EP300: variants seen among roughly 807,000 people sequenced by gnomAD.
EP300 encodes histone acetyltransferase p300.
Under a neutral mutation model 264.0 loss-of-function variants are expected in EP300, and 31 were observed. The ratio of observed to expected loss-of-function variants is 0.12; its 90% CI spans 0.09 to 0.16. EP300 has a LOEUF of 0.16. EP300 is among the 10% of genes least tolerant of loss of function. EP300 has a pLI of 1.00. For missense variants in EP300, 2,766 were observed against 3,052.9 expected (o/e 0.91, Z 2.21); for synonymous variants, 1,340 against 1,045.4 (o/e 1.28, Z -5.44).
chr22:41,169,695 T>C, intron 26 of EP300, 79 bp downstream of exon 26: 1 of 850,108 alleles, frequency 1.2e-6, no homozygotes, highest in Non-Finnish European at 2.0e-6. Flanking sequence ...TATGCAAATA[T>C]ATAACTCTTG....
Position 41,117,368 on chromosome 22 carries a change from C to T in EP300, c.276C>T (p.Asn92=), listed in dbSNP as rs746216668. The part of the protein sequence containing the change: ...SELLRSGSSP[N]LNMGVGGPGQ... ...TGCTGCGATCTGGTAGTTCCCCTAA[C>T]CTCAATATGGGAGTTGGTGGCCCAG... is the stretch of plus-strand genomic sequence containing the variant. Residue 92 remains asparagine (N), a synonymous_variant, in exon 2 of 31, where the codon AAC becomes AAT. Coordinates refer to ENST00000263253, the MANE Select transcript of EP300 (RefSeq NM_001429.4). The T allele has an allele frequency of 9.3e-6, 15 of 1,614,054 alleles. No individual in the cohort carries two copies. The South Asian group carries it at 1.6e-4, about 18-fold the overall frequency.
At position 41,173,663 on chromosome 22, in the gene EP300, A is replaced by G. The variant is rs746455751; in HGVS notation, c.4658A>G (p.Asn1553Ser). The change falls in exon 29 of 31, where the codon AAT becomes AGT. Residue 1553 changes from asparagine to serine, a missense_variant. Coordinates refer to ENST00000263253, the MANE Select transcript of EP300 (RefSeq NM_001429.4). ...GDSKNAKKKN[N>S]KKTSKNKSSL... The stretch of plus-strand genomic sequence containing the variant: ...AGCAAAAATGCTAAAAAGAAGAATA[A>G]TAAGAAAACCAGCAAAAATAAGAGC... 7 of 1,614,212 alleles carry G rather than the reference A, an allele frequency of 4.3e-6. No individual in the cohort carries two copies. Among genetic ancestry groups the G allele is most frequent in the Admixed American group, 1.7e-5 (1 of 60,026 alleles).
At chr22:41,112,780 C>T (rs996747265) in intron 1 of EP300, among the ~76,000 whole-genome samples, 2 of 151,748 alleles carry the variant, frequency 1.3e-5, no homozygotes, top group Admixed American at 6.6e-5. Flanking sequence ...TAGGGCATGC[C>T]TGTAAACAAT....
In EP300 at chr22:41,103,805, A is replaced by G. The variant is rs145813105; in HGVS notation, c.94+10707A>G. 8.3e-3 allele frequency among the ~76,000 whole-genome samples: 1,265 copies of G among 152,302 alleles called. 11 individuals are homozygous for G. Among genetic ancestry groups the G allele is most frequent in the African/African-American group, 0.029 (1,204 of 41,558 alleles). On this transcript the variant is annotated intron_variant, in intron 1 of 30. Coordinates refer to ENST00000263253, the MANE Select transcript of EP300 (RefSeq NM_001429.4). ...AGCAGGGGAGTGACATGGTTGGGGA[A>G]AGACTAATTCTGGTAACACCGTACA...
intron 16 of EP300, among the ~76,000 whole-genome samples, chr22:41,153,977 GC>G (rs1294396345): frequency 6.6e-6 from 1 of 152,056 alleles, no homozygotes; most frequent in Non-Finnish European, 1.5e-5. Context: ...GAAATTGAAA[GC>G]TTTTTAAATC....
intron 25 of EP300, 95 bp from the exon 26 acceptor site, chr22:41,169,408 G>A: frequency 1.3e-6 from 1 of 796,258 alleles, no homozygotes; most frequent in South Asian, 1.4e-5. Context: ...AAAGAGCCTG[G>A]GAGAGTGAGA....
At chr22:41,094,297 A>G (rs931474063) in intron 1 of EP300, among the ~76,000 whole-genome samples, 5 of 152,192 alleles carry the variant, frequency 3.3e-5, no homozygotes. Flanking sequence ...GAGAGTGCAT[A>G]ATGGAGTTAA....
At chr22:41,135,130 G>A (rs893882989) in intron 6 of EP300, among the ~76,000 whole-genome samples, 1 of 152,134 alleles carries the variant, frequency 6.6e-6, no homozygotes, top group African/African-American at 2.4e-5. Flanking sequence ...TTGAACTGCT[G>A]ACTTCGTGAT....
Position 41,177,573 on chromosome 22 carries a change from C to T in EP300, c.5862C>T (p.His1954=), listed in dbSNP as rs565858141. 7 of 1,614,198 alleles carry T rather than the reference C, an allele frequency of 4.3e-6. No homozygotes were observed. The South Asian group carries it at 7.7e-5, about 18-fold the overall frequency. The change falls in exon 31 of 31, where the codon CAC becomes CAT. Residue 1954 remains histidine, a synonymous_variant. Coordinates refer to ENST00000263253, the MANE Select transcript of EP300 (RefSeq NM_001429.4). ...HVQIFQRPIQ[H]QMPPMTPMAP... ...AAATTTTTCAAAGGCCAATCCAACACCAGATGCCCCCGATGACTCCCATGG... is the reference window on the plus strand; with the variant it reads ...AAATTTTTCAAAGGCCAATCCAACATCAGATGCCCCCGATGACTCCCATGG...
At chr22:41,132,111 G>A (rs540522232) in intron 6 of EP300, among the ~76,000 whole-genome samples, 127 of 151,252 alleles carry the variant, frequency 8.4e-4, no homozygotes, top group African/African-American at 3.0e-3. Context: ...CAGGAGAATG[G>A]CTTGAACCTG....
intron 1 of EP300, chr22:41,108,187 T>TAATACACG (rs2058768508): frequency 6.6e-6 from 1 of 152,030 alleles, no homozygotes; most frequent in South Asian, 2.1e-4. Context: ...GTTAAATTTC[T>TAATACACG]AATACACGGT....
chr22:41,147,878 A>G lies in EP300; in HGVS notation c.2173A>G (p.Ile725Val), dbSNP rs73885743. 2.4e-5 allele frequency: 38 copies of G among 1,614,086 alleles called. No homozygotes were observed. The highest frequency in any genetic ancestry group is 1.7e-4 in the Middle Eastern group (1 of 6,060). Residue 725 changes from isoleucine (I) to valine (V), a missense_variant, in exon 12 of 31, where the codon ATT (isoleucine) becomes GTT (valine). Physicochemically the swap from Ile to Val is conservative, Grantham distance 29 (BLOSUM62 3). Coordinates refer to ENST00000263253, the MANE Select transcript of EP300 (RefSeq NM_001429.4). Reference sequence around the variant, plus strand: ...CCAGATGAGCATGGCCCAGCCCCCTATTGTACCCCGGCAAACCCCTCCTCT... The same window carrying G: ...CCAGATGAGCATGGCCCAGCCCCCTGTTGTACCCCGGCAAACCCCTCCTCT... ...FGQMSMAQPPIVPRQTPPLQH... is the reference protein window; with the variant it reads ...FGQMSMAQPPVVPRQTPPLQH...
At position 41,178,573 on chromosome 22, in the gene EP300, C is replaced by G; in HGVS notation, c.6862C>G (p.Gln2288Glu). Reference sequence around the variant, plus strand: ...CCCCCAGCAGCATATGCTCCCAAATCAGGCCCAGTCCCCACACCTACAAGG... The same window carrying G: ...CCCCCAGCAGCATATGCTCCCAAATGAGGCCCAGTCCCCACACCTACAAGG... ...MSPQQHMLPN[Q>E]AQSPHLQGQQ... is the part of the protein sequence containing the mutation. The change falls in exon 31 of 31, where the codon CAG becomes GAG. Residue 2288 changes from glutamine to glutamate, a missense_variant. Transcript: ENST00000263253. 1 of 1,614,156 alleles carries G rather than the reference C, an allele frequency of 6.2e-7. No individual in the cohort carries two copies.
intron 22 of EP300, 43 bp from the exon 23 acceptor site, chr22:41,166,556 G>C: frequency 6.7e-7 from 1 of 1,495,516 alleles, no homozygotes; most frequent in Non-Finnish European, 9.3e-7. Flanking sequence ...TAAATTCAAC[G>C]GTTTATCTAA....
chr22:41,148,987 G>C (rs2145735576), intron 12 of EP300, 51 bp from the exon 13 acceptor site: 7 of 1,603,200 alleles, frequency 4.4e-6, no homozygotes, highest in Non-Finnish European at 6.0e-6. Flanking sequence ...AGTTATAGTA[G>C]AATAACTATA....
chr22:41,126,369 G>A, intron 3 of EP300: 1 of 243,042 alleles, frequency 4.1e-6, no homozygotes, highest in Non-Finnish European at 8.1e-6. Context: ...CACTTTTGGG[G>A]GAAGGAATCT....
At chr22:41,167,375 A>AT in intron 23 of EP300, among the ~76,000 whole-genome samples, 1 of 152,014 alleles carries the variant, frequency 6.6e-6, no homozygotes, top group Non-Finnish European at 1.5e-5. Context: ...GATGTCAAAA[A>AT]TTTTATCATG....
In EP300 at chr22:41,117,607, G is replaced by T. The variant is rs763232496; in HGVS notation, c.515G>T (p.Gly172Val). The part of the protein sequence containing the change: ...AMGMNTGMNA[G>V]MNPGMLAAGN... ...GGAATGAACACAGGGATGAATGCGG[G>T]CATGAATCCTGGAATGTTGGCTGCA... The change falls in exon 2 of 31, where the codon GGC (glycine) becomes GTC (valine). Residue 172 changes from glycine (G) to valine (V), a missense_variant. Transcript: ENST00000263253. The T allele has an allele frequency of 3.1e-6, 5 of 1,614,222 alleles. No homozygotes were observed. The highest frequency in any genetic ancestry group is 4.2e-6 in the Non-Finnish European group (5 of 1,180,048).
chr22:41,172,704 C>A (rs1246472394), intron 28 of EP300, 41 bp downstream of exon 28: 3 of 1,588,832 alleles, frequency 1.9e-6, no homozygotes, highest in Non-Finnish European at 2.6e-6. Context: ...TATCATGATT[C>A]TAATATTTAA....
Sources: gnomAD v4.1 joint callset for allele counts (sites outside exome capture counted in the v4.1 genomes callset) on GRCh38, gnomAD v4.1.1 for gene constraint, MANE v1.5 for transcripts, NCBI Gene and HGNC (gene_info 2026-07-23, HGNC 2026-07-21) for gene names.